Variants in FGF12 observed in about 807,000 individuals in gnomAD.
FGF12 encodes fibroblast growth factor 12, also known as fibroblast growth factor 12B.
In FGF12, 14 loss-of-function variants were observed where a neutral mutation model predicts 23.6. The ratio of observed to expected loss-of-function variants is 0.59; its 90% CI spans 0.39 to 0.93. The LOEUF (loss-of-function observed/expected upper bound fraction) is 0.93. Ranked by LOEUF, FGF12 falls within the 40% of genes least tolerant of loss-of-function variation. FGF12 has a pLI of 0.00. For missense variants in FGF12, 175 were observed against 217.8 expected, an observed-to-expected ratio of 0.80 and a Z score of 1.24; for synonymous variants, 62 against 77.3, an observed-to-expected ratio of 0.80 and a Z score of 1.04.
At chr3:192,633,343 G>T (rs1353378765) in intron 2 of FGF12, among the ~76,000 whole-genome samples, 3 of 152,068 alleles carry the variant, frequency 2.0e-5, no homozygotes, top group African/African-American at 7.2e-5. Flanking sequence ...CTCGCGCCCG[G>T]CCTCTCCTCG....
intron 2 of FGF12, among the ~76,000 whole-genome samples, chr3:192,635,203 T>G (rs1242116253): frequency 2.0e-5 from 3 of 152,230 alleles, no homozygotes; most frequent in Admixed American, 1.3e-4. Context: ...TATAATCACA[T>G]AATAATTGTA....
At chr3:192,399,583 C>T (rs539886476) in intron 2 of FGF12, among the ~76,000 whole-genome samples, 1 of 152,216 alleles carries the variant, frequency 6.6e-6, no homozygotes, top group African/African-American at 2.4e-5. Flanking sequence ...TTAACAAAAT[C>T]ATTAATTTTG....
At chr3:192,220,084 T>C (rs1013839231) in intron 4 of FGF12, among the ~76,000 whole-genome samples, 1 of 152,172 alleles carries the variant, frequency 6.6e-6, no homozygotes, top group Non-Finnish European at 1.5e-5. Context: ...CATTACTTCT[T>C]ATCTTGACAA....
Position 192,408,590 on chromosome 3 carries a change from G to T in FGF12, c.14-48052C>A. Reference sequence around the variant, plus strand: ...TCACACTGCGTTCGGGGTACCAAGTGGAAGGGGAAGAACGATGCCCAAAAT... The same window carrying T: ...TCACACTGCGTTCGGGGTACCAAGTTGAAGGGGAAGAACGATGCCCAAAAT... On this transcript the variant is annotated intron_variant, in intron 2 of 5. Coordinates refer to ENST00000445105, the MANE Select transcript of FGF12 (RefSeq NM_004113.6). This position sits in a 1 kb window ranked among gnomAD's most constrained non-coding sequence, Gnocchi z 7.3. The T allele has an allele frequency of 9.3e-7, 1 of 1,075,134 alleles. No homozygotes were observed. The allele number at this position is 1,075,134 out of a possible 1,614,324, so 66.6% of individuals were successfully genotyped here.
At chr3:192,232,636 T>C (rs1482415436) in intron 4 of FGF12, among the ~76,000 whole-genome samples, 2 of 152,124 alleles carry the variant, frequency 1.3e-5, no homozygotes, top group Non-Finnish European at 2.9e-5. Context: ...GGTGTACACA[T>C]GATTTTGTTA....
At chr3:192,269,768 T>C (rs1301907175) in intron 4 of FGF12, among the ~76,000 whole-genome samples, 1 of 152,174 alleles carries the variant, frequency 6.6e-6, no homozygotes, top group African/African-American at 2.4e-5. Context: ...TTCTATACCA[T>C]TGGGTATTTA....
chr3:192,353,610 C>T (rs1718328314), intron 3 of FGF12, among the ~76,000 whole-genome samples: 1 of 152,074 alleles, frequency 6.6e-6, no homozygotes, highest in Non-Finnish European at 1.5e-5. Flanking sequence ...ACCTTGTGAT[C>T]CGCCAGCCTC....
chr3:192,248,494 A>T (rs1166487834), intron 4 of FGF12, among the ~76,000 whole-genome samples: 2 of 152,230 alleles, frequency 1.3e-5, no homozygotes, highest in Admixed American at 1.3e-4. Flanking sequence ...CAGACAGTTA[A>T]GATTCTTGGA....
chr3:192,647,732 T>TAC (rs1484581488), intron 2 of FGF12, among the ~76,000 whole-genome samples: 4 of 146,684 alleles, frequency 2.7e-5, no homozygotes, highest in Admixed American at 6.8e-5. Flanking sequence ...TACACATATA[T>TAC]ACATACATGT....
intron 2 of FGF12, among the ~76,000 whole-genome samples, chr3:192,364,163 A>G (rs1199552555): frequency 6.6e-6 from 1 of 152,212 alleles, no homozygotes; most frequent in Non-Finnish European, 1.5e-5. Flanking sequence ...GCAGCCTGGT[A>G]TAGACAGAAT....
chr3:192,345,311 G>A (rs984932811), intron 3 of FGF12, among the ~76,000 whole-genome samples: 19 of 152,138 alleles, frequency 1.2e-4, no homozygotes, highest in Admixed American at 9.8e-4. Flanking sequence ...GTTTTCCCAA[G>A]GTTATAAAGT....
At chr3:192,310,611 T>A (rs1423394311) in intron 4 of FGF12, among the ~76,000 whole-genome samples, 1 of 152,170 alleles carries the variant, frequency 6.6e-6, no homozygotes, top group Non-Finnish European at 1.5e-5. Context: ...CAAAATATTA[T>A]AAAATATCTC....
intron 2 of FGF12, among the ~76,000 whole-genome samples, chr3:192,488,856 ATCTT>A (rs1723715233): frequency 6.6e-6 from 1 of 152,136 alleles, no homozygotes; most frequent in South Asian, 2.1e-4. Context: ...TCAATGTGCT[ATCTT>A]TCTGTGCACT....
intron 2 of FGF12, among the ~76,000 whole-genome samples, chr3:192,571,265 G>T (rs892705323): frequency 1.3e-5 from 2 of 152,244 alleles, no homozygotes; most frequent in Non-Finnish European, 2.9e-5. Flanking sequence ...AGGAATTCTG[G>T]AGGATCGCTC....
At chr3:192,156,069 CT>C (rs532542833) in intron 5 of FGF12, among the ~76,000 whole-genome samples, 59 of 151,980 alleles carry the variant, frequency 3.9e-4, no homozygotes, top group Admixed American at 1.3e-4. Context: ...TTTTAAATCT[CT>C]TTTTTTTCTT....
intron 4 of FGF12, among the ~76,000 whole-genome samples, chr3:192,334,066 C>T (rs1457644099): frequency 6.6e-6 from 1 of 152,036 alleles, no homozygotes; most frequent in Non-Finnish European, 1.5e-5. Context: ...GTCTTTCTTC[C>T]TGTGATACGA....
chr3:192,646,936 T>C (rs1302690911), intron 2 of FGF12, among the ~76,000 whole-genome samples: 1 of 152,148 alleles, frequency 6.6e-6, no homozygotes, highest in Non-Finnish European at 1.5e-5. Context: ...AGTGTCAATA[T>C]ATGACACACT....
At chr3:192,298,993 C>T (rs998843756) in intron 4 of FGF12, among the ~76,000 whole-genome samples, 5 of 152,166 alleles carry the variant, frequency 3.3e-5, no homozygotes, top group Non-Finnish European at 1.5e-5. Context: ...TCAAGAATGG[C>T]ACCAGGCAAT....
At chr3:192,308,891 G>A (rs1046597412) in intron 4 of FGF12, among the ~76,000 whole-genome samples, 10 of 152,168 alleles carry the variant, frequency 6.6e-5, no homozygotes, top group Non-Finnish European at 1.0e-4. Flanking sequence ...CTTAGAGTAG[G>A]CATTGAAAAA....
Sources: allele counts gnomAD v4.1 joint callset (sites outside exome capture counted in the v4.1 genomes callset), GRCh38; gene constraint gnomAD v4.1.1; non-coding constraint Gnocchi (gnomAD v3.1); transcripts MANE v1.5; gene names NCBI Gene and HGNC (gene_info 2026-07-23, HGNC 2026-07-21).